The following HSD17B12 variants were observed in gnomAD, a reference collection of about 807,000 sequenced individuals.
The protein encoded by HSD17B12 is hydroxysteroid 17-beta dehydrogenase 12.
Under a neutral mutation model 39.3 loss-of-function variants are expected in HSD17B12, and 32 were observed. That is an observed-to-expected ratio of 0.81 (90% CI 0.61 to 1.09). The LOEUF (loss-of-function observed/expected upper bound fraction) is 1.09. Ranked by LOEUF, HSD17B12 falls within the 50% of genes least tolerant of loss-of-function variation. The pLI is 0.00. For missense variants in HSD17B12, 342 were observed against 382.9 expected (o/e 0.89, Z 0.89); for synonymous variants, 150 against 146.7 (o/e 1.02, Z -0.16).
In HSD17B12 at chr11:43,815,472, T is replaced by C; in HGVS notation, c.427T>C (p.Tyr143His). 1.3e-6 allele frequency: 2 copies of C among 1,582,522 alleles called. No homozygotes were observed. The highest frequency in any genetic ancestry group is 1.7e-6 in the Non-Finnish European group (2 of 1,157,850). ...NVGMSYEYPE[Y>H]FLDVPDLDNV... ...GGGAATGTCGTATGAGTATCCTGAA[T>C]ACTTTTTGGATGTTCCTGACTTGGA... The change falls in exon 5 of 11, where the codon TAC becomes CAC. Residue 143 changes from tyrosine to histidine, a missense_variant. Coordinates refer to ENST00000278353, the MANE Select transcript of HSD17B12 (RefSeq NM_016142.3).
chr11:43,784,885 G>A (rs1202760120), intron 3 of HSD17B12, among the ~76,000 whole-genome samples: 1 of 152,134 alleles, frequency 6.6e-6, no homozygotes, highest in African/African-American at 2.4e-5. Context: ...GAGCAGCATA[G>A]TATTTCTTAA....
chr11:43,810,808 TA>T (rs1032376371), intron 4 of HSD17B12, among the ~76,000 whole-genome samples: 14 of 152,144 alleles, frequency 9.2e-5, no homozygotes, highest in Admixed American at 6.5e-4. Context: ...TGTTACACAA[TA>T]AAAAGGTTTT....
chr11:43,666,887 C>T, the HSD17B12 span, among the ~76,000 whole-genome samples: 19 of 152,176 alleles, frequency 1.2e-4, no homozygotes, highest in African/African-American at 4.6e-4. Flanking sequence ...GTACATCTGC[C>T]AGACAGCCCA....
the HSD17B12 span, among the ~76,000 whole-genome samples, chr11:43,673,825 G>T: frequency 6.6e-6 from 1 of 152,080 alleles, no homozygotes; most frequent in East Asian, 1.9e-4. Flanking sequence ...TCATTTTTTA[G>T]ATGCTGCTTT....
chr11:43,744,211 A>G (rs1418096234), intron 1 of HSD17B12, among the ~76,000 whole-genome samples: 5 of 152,196 alleles, frequency 3.3e-5, no homozygotes, highest in East Asian at 3.8e-4. Flanking sequence ...AACAATTAAC[A>G]TAAGAAACTT....
intron 3 of HSD17B12, among the ~76,000 whole-genome samples, chr11:43,775,427 C>T (rs564882168): frequency 2.5e-4 from 38 of 152,116 alleles, no homozygotes; most frequent in African/African-American, 5.8e-4. Context: ...AGCGTGCTGT[C>T]GGGGATCATT....
At chr11:43,680,708 C>A, upstream of HSD17B12, 1 of 931,482 alleles carries the variant, frequency 1.1e-6, no homozygotes, top group Non-Finnish European at 1.7e-6. Context: ...GGTTTAGGCC[C>A]AAAGTGGTGT....
At chr11:43,713,443 A>G (rs1348084128) in intron 1 of HSD17B12, among the ~76,000 whole-genome samples, 1 of 151,844 alleles carries the variant, frequency 6.6e-6, no homozygotes, top group East Asian at 1.9e-4. Flanking sequence ...CCATGTCCCT[A>G]CAAAGGACAT....
chr11:43,780,378 G>A (rs1336931035), intron 3 of HSD17B12, among the ~76,000 whole-genome samples: 3 of 152,034 alleles, frequency 2.0e-5, no homozygotes, highest in African/African-American at 7.3e-5. Flanking sequence ...ATGTTGACCA[G>A]GCTGATCTCA....
chr11:43,575,660 C>G, the HSD17B12 span, among the ~76,000 whole-genome samples: 1 of 152,216 alleles, frequency 6.6e-6, no homozygotes. This position sits in a 1 kb window ranked among gnomAD's most constrained non-coding sequence, Gnocchi z 4.1. Flanking sequence ...GAACACAAAG[C>G]GCTGTCTCCG....
intron 1 of HSD17B12, among the ~76,000 whole-genome samples, chr11:43,710,556 ATTTATC>A (rs970106214): frequency 6.6e-6 from 1 of 152,148 alleles, no homozygotes; most frequent in Non-Finnish European, 1.5e-5. Context: ...CTTCAAAATA[ATTTATC>A]TTTATTTTAT....
Position 43,765,609 on chromosome 11 carries a change from G to A in HSD17B12, c.283+11488G>A, listed in dbSNP as rs776484661. Reference sequence around the variant, plus strand: ...ACTCTTTTTCTGGGACTTTAGTTACGTATATATTAAGTTGTCTTAACCCAC... The same window carrying A: ...ACTCTTTTTCTGGGACTTTAGTTACATATATATTAAGTTGTCTTAACCCAC... On this transcript the variant is annotated intron_variant, in intron 3 of 10. Coordinates refer to ENST00000278353, the MANE Select transcript of HSD17B12 (RefSeq NM_016142.3). 1.3e-4 allele frequency among the ~76,000 whole-genome samples: 19 copies of A among 151,850 alleles called. No individual in the cohort carries two copies. In the South Asian group the frequency reaches 1.5e-3, roughly 12 times the overall value.
chr11:43,834,153 A>G (rs1951343180), intron 7 of HSD17B12: 1 of 152,210 alleles, frequency 6.6e-6, no homozygotes, highest in African/African-American at 2.4e-5. Flanking sequence ...GGTTCTAATT[A>G]TACACCTGAC....
Position 43,689,919 on chromosome 11 carries a change from C to T in HSD17B12, c.160+8932C>T, listed in dbSNP as rs111512392. ...GACCTCATCTCCACTACTCTTACTC[C>T]GTTCCACCCACATACACCTCTTGCT... On this transcript the variant is annotated intron_variant, in intron 1 of 10. Coordinates refer to ENST00000278353, the MANE Select transcript of HSD17B12 (RefSeq NM_016142.3). Among the ~76,000 whole-genome samples the T allele has an allele frequency of 6.6e-3, 1,008 of 152,206 alleles. 17 individuals carry two copies. Among genetic ancestry groups the T allele is most frequent in the African/African-American group, 0.023 (972 of 41,520 alleles).
chr11:43,642,204 A>G, the HSD17B12 span, among the ~76,000 whole-genome samples: 1 of 151,778 alleles, frequency 6.6e-6, no homozygotes, highest in African/African-American at 2.4e-5. Context: ...ATTTTTTGGT[A>G]TAAATTTGAA....
intron 4 of HSD17B12, among the ~76,000 whole-genome samples, chr11:43,800,815 C>A (rs1260494923): frequency 6.6e-6 from 1 of 152,034 alleles, no homozygotes; most frequent in Non-Finnish European, 1.5e-5. Context: ...ATTCATCAAT[C>A]AGTGAACTAG....
intron 6 of HSD17B12, among the ~76,000 whole-genome samples, chr11:43,827,292 A>G (rs1197369188): frequency 6.6e-6 from 1 of 152,318 alleles, no homozygotes; most frequent in South Asian, 2.1e-4. Flanking sequence ...CTTTTTGAAC[A>G]TTATGCAATC....
intron 3 of HSD17B12, among the ~76,000 whole-genome samples, chr11:43,768,925 T>C (rs1284423353): frequency 6.6e-6 from 1 of 152,206 alleles, no homozygotes; most frequent in East Asian, 1.9e-4. Flanking sequence ...TACAATCCTC[T>C]AGCTAGACAC....
chr11:43,829,192 GT>G (rs1429561139), intron 6 of HSD17B12, among the ~76,000 whole-genome samples: 2 of 152,200 alleles, frequency 1.3e-5, no homozygotes, highest in Non-Finnish European at 2.9e-5. Flanking sequence ...GGGAGAACTT[GT>G]GTCTTTGCTG....
Sources: gnomAD v4.1 joint callset for allele counts (sites outside exome capture counted in the v4.1 genomes callset) on GRCh38, gnomAD v4.1.1 for gene constraint, Gnocchi (gnomAD v3.1) non-coding constraint, MANE v1.5 for transcripts, NCBI Gene and HGNC (gene_info 2026-07-23, HGNC 2026-07-21) for gene names.